GPC5: variants seen among roughly 807,000 people sequenced by gnomAD.
GPC5 encodes the protein glypican-5.
Under a neutral mutation model 53.9 loss-of-function variants are expected in GPC5, and 47 were observed. The observed-to-expected ratio is 0.87, with a 90% confidence interval of 0.69 to 1.11. GPC5 has a LOEUF of 1.11. Ranked by LOEUF, GPC5 falls within the 50% of genes most tolerant of loss-of-function variation. The pLI is 0.00. For missense variants in GPC5, 748 were observed against 713.1 expected (o/e 1.05, Z -0.56); for synonymous variants, 286 against 263.3 (o/e 1.09, Z -0.84).
intron 7 of GPC5, among the ~76,000 whole-genome samples, chr13:92,586,774 G>A (rs1883549317): frequency 6.6e-6 from 1 of 152,154 alleles, no homozygotes. Context: ...TGGGAGCAGA[G>A]GGCTAGGAGA....
At chr13:92,258,994 G>C (rs1021389599) in intron 7 of GPC5, among the ~76,000 whole-genome samples, 4 of 152,166 alleles carry the variant, frequency 2.6e-5, no homozygotes, top group Non-Finnish European at 2.9e-5. Flanking sequence ...CGTCTTGTGA[G>C]ATAGAATGAA....
At chr13:92,128,938 G>A (rs938731305) in intron 6 of GPC5, among the ~76,000 whole-genome samples, 5 of 152,072 alleles carry the variant, frequency 3.3e-5, no homozygotes, top group Non-Finnish European at 7.3e-5. Flanking sequence ...ACTCCAGCCT[G>A]GGTGACAGAG....
chr13:92,320,802 T>C (rs1186681133), intron 7 of GPC5, among the ~76,000 whole-genome samples: 1 of 152,166 alleles, frequency 6.6e-6, no homozygotes, highest in Non-Finnish European at 1.5e-5. Flanking sequence ...CGAAGTTGTT[T>C]TCAAGATTTT....
intron 7 of GPC5, chr13:92,490,059 T>A (rs2149060): frequency 0.58 from 89,291 of 153,342 alleles, 26,767 homozygotes; most frequent in East Asian, 0.74. Flanking sequence ...TTGTGCATTT[T>A]AAAAAATTTA....
At chr13:92,041,409 A>C (rs768715596) in intron 6 of GPC5, among the ~76,000 whole-genome samples, 28 of 152,220 alleles carry the variant, frequency 1.8e-4, no homozygotes, top group Admixed American at 2.6e-4. Context: ...ACTTGAAAGC[A>C]TCTCCCAACC....
chr13:92,632,460 C>CCA (rs140483216), intron 7 of GPC5, among the ~76,000 whole-genome samples: 4 of 90,012 alleles, frequency 4.4e-5, no homozygotes, highest in Non-Finnish European at 8.3e-5. Context: ...AGAAAATATT[C>CCA]CACATATATA....
At chr13:91,625,725 A>C (rs2033981521) in intron 2 of GPC5, among the ~76,000 whole-genome samples, 1 of 152,072 alleles carries the variant, frequency 6.6e-6, no homozygotes, top group Non-Finnish European at 1.5e-5. Context: ...GTCTTTAACC[A>C]CGTTATTTAG....
intron 7 of GPC5, among the ~76,000 whole-genome samples, chr13:92,527,168 GAA>G (rs1566276729): frequency 9.3e-6 from 1 of 107,160 alleles, no homozygotes; most frequent in Non-Finnish European, 2.0e-5. Context: ...AAGAAAGAAA[GAA>G]AGAGAAAGAA....
At chr13:91,943,646 T>A (rs1404237537) in intron 6 of GPC5, among the ~76,000 whole-genome samples, 1 of 152,188 alleles carries the variant, frequency 6.6e-6, no homozygotes, top group Non-Finnish European at 1.5e-5. Context: ...AAGTGATACC[T>A]GGTAGAAGTT....
intron 7 of GPC5, among the ~76,000 whole-genome samples, chr13:92,206,223 T>C (rs1397358165): frequency 1.4e-5 from 2 of 147,370 alleles, no homozygotes; most frequent in African/African-American, 2.5e-5. Context: ...TGGAGTGTAG[T>C]GGCGCAATCT....
chr13:92,479,451 G>A (rs1255905479), intron 7 of GPC5, among the ~76,000 whole-genome samples: 7 of 152,168 alleles, frequency 4.6e-5, no homozygotes, highest in Non-Finnish European at 7.3e-5. Context: ...GTTCATAGAG[G>A]CAGTGAAAAT....
chr13:91,448,068 A>T (rs1313172703), intron 1 of GPC5, among the ~76,000 whole-genome samples: 2 of 152,190 alleles, frequency 1.3e-5, no homozygotes, highest in East Asian at 3.8e-4. Flanking sequence ...CATAACTCTT[A>T]CATTTCATAT....
Position 92,735,865 on chromosome 13 carries a change from G to A in GPC5, c.1562-130417G>A, listed in dbSNP as rs1888920553. Among the ~76,000 whole-genome samples, 5 of 152,094 alleles carry A rather than the reference G, an allele frequency of 3.3e-5. No individual in the cohort carries two copies. The East Asian group carries it at 5.8e-4, about 18-fold the overall frequency. On this transcript the variant is annotated intron_variant, in intron 7 of 7. Coordinates refer to ENST00000377067, the MANE Select transcript of GPC5 (RefSeq NM_004466.6). ...CTTGGCATTAGTATGTGTCCTATCA[G>A]CCTCATTAACTAGGATGTAAAGAGG...
intron 5 of GPC5, among the ~76,000 whole-genome samples, chr13:91,847,803 A>G (rs1365994134): frequency 1.3e-5 from 2 of 152,238 alleles, no homozygotes; most frequent in East Asian, 3.8e-4. Context: ...AAAGTTAGAC[A>G]TATTTTGACA....
rs879364811 is a variant in GPC5 at position 92,655,348 on chromosome 13, T to TA, written c.1562-210934_1562-210933insA. ...TTATTTATTTTATTTTTATTTTATT[T>TA]TTTGAGACAGAGTCTTACTCTTGTC... On this transcript the variant is annotated intron_variant, in intron 7 of 7. Transcript: ENST00000377067. Among the ~76,000 whole-genome samples, 1,327 of 148,478 alleles carry TA rather than the reference T, an allele frequency of 8.9e-3. 16 individuals carry two copies. Among genetic ancestry groups the TA allele is most frequent in the Non-Finnish European group, 0.01 (669 of 66,524 alleles).
chr13:92,812,283 C>T (rs933538378), intron 7 of GPC5, among the ~76,000 whole-genome samples: 1 of 151,812 alleles, frequency 6.6e-6, no homozygotes, highest in Non-Finnish European at 1.5e-5. Flanking sequence ...TTTTAGTATA[C>T]AGTGTTTCAC....
chr13:92,053,491 G>T (rs2041047501), intron 6 of GPC5, among the ~76,000 whole-genome samples: 1 of 152,002 alleles, frequency 6.6e-6, no homozygotes, highest in African/African-American at 2.4e-5. Flanking sequence ...ATTTATCTTT[G>T]TCTGCAAGAT....
chr13:92,364,022 T>A (rs1264309021), intron 7 of GPC5, among the ~76,000 whole-genome samples: 3 of 151,630 alleles, frequency 2.0e-5, no homozygotes, highest in Non-Finnish European at 4.4e-5. Flanking sequence ...TATATATTTT[T>A]TAAAAGAGCT....
intron 7 of GPC5, among the ~76,000 whole-genome samples, chr13:92,617,557 C>T (rs190922052): frequency 6.6e-6 from 1 of 152,230 alleles, no homozygotes; most frequent in Non-Finnish European, 1.5e-5. Flanking sequence ...CTCTTAACTG[C>T]CACTCTATTC....
Sources: allele counts gnomAD v4.1 joint callset (sites outside exome capture counted in the v4.1 genomes callset), GRCh38; gene constraint gnomAD v4.1.1; transcripts MANE v1.5; gene names NCBI Gene and HGNC (gene_info 2026-07-23, HGNC 2026-07-21).